FGGY: variants seen among roughly 807,000 people sequenced by gnomAD.
FGGY encodes FGGY carbohydrate kinase domain-containing protein.
A neutral mutation model predicts 71.3 loss-of-function variants in FGGY; 72 were observed. The ratio of observed to expected loss-of-function variants is 1.01; its 90% CI spans 0.84 to 1.23. The LOEUF (loss-of-function observed/expected upper bound fraction) is 1.23, where lower values mean the gene tolerates loss of function less well. Among genes scored for constraint, FGGY ranks in the 50% most tolerant of loss-of-function variants. The pLI is 0.00. For missense variants in FGGY, 668 were observed against 682.3 expected (o/e 0.98, Z 0.23); for synonymous variants, 251 against 250.3 (o/e 1.00, Z -0.02).
At chr1:59,538,429 A>G (rs1434548938) in intron 7 of FGGY, among the ~76,000 whole-genome samples, 3 of 152,052 alleles carry the variant, frequency 2.0e-5, no homozygotes, top group African/African-American at 7.3e-5. Context: ...TGTGGAAGTC[A>G]GCGTGGCGAT....
At chr1:59,475,330 C>CT (rs1019875413) in intron 6 of FGGY, among the ~76,000 whole-genome samples, 54 of 152,194 alleles carry the variant, frequency 3.5e-4, no homozygotes, top group African/African-American at 1.3e-3. Flanking sequence ...CAATCTTTAG[C>CT]TTTTTTTCCA....
chr1:59,689,574 T>TAA (rs2097573203), intron 14 of FGGY, among the ~76,000 whole-genome samples: 1 of 151,998 alleles, frequency 6.6e-6, no homozygotes, highest in Admixed American at 6.6e-5. Flanking sequence ...AAAAAAACGT[T>TAA]AAGTCCTTCT....
intron 14 of FGGY, among the ~76,000 whole-genome samples, chr1:59,684,019 G>T (rs1235555282): frequency 6.6e-6 from 1 of 152,114 alleles, no homozygotes; most frequent in Non-Finnish European, 1.5e-5. Context: ...GACTAGATCT[G>T]GAAAAGTCAT....
At chr1:59,728,444 A>T (rs1340464791) in intron 14 of FGGY, among the ~76,000 whole-genome samples, 4 of 152,084 alleles carry the variant, frequency 2.6e-5, no homozygotes, top group African/African-American at 9.7e-5. Context: ...AATTAAGAGT[A>T]AAAAGATGAA....
chr1:59,534,377 G>A (rs1198772687), intron 7 of FGGY, among the ~76,000 whole-genome samples: 2 of 152,118 alleles, frequency 1.3e-5, no homozygotes, highest in African/African-American at 2.4e-5. Flanking sequence ...AAAGTGACGG[G>A]GAGAATGGAA....
At chr1:59,466,420 A>G (rs528550215) in intron 6 of FGGY, among the ~76,000 whole-genome samples, 1 of 152,350 alleles carries the variant, frequency 6.6e-6, no homozygotes, top group East Asian at 1.9e-4. Context: ...AAACCTAGGC[A>G]ATACCATTCA....
chr1:59,615,924 AT>A (rs1447091357), intron 9 of FGGY, among the ~76,000 whole-genome samples: 1 of 152,196 alleles, frequency 6.6e-6, no homozygotes, highest in Non-Finnish European at 1.5e-5. Flanking sequence ...CATCAGAGAA[AT>A]GCAAATCAAA....
intron 14 of FGGY, among the ~76,000 whole-genome samples, chr1:59,682,255 G>T (rs1225967734): frequency 6.6e-6 from 1 of 152,172 alleles, no homozygotes; most frequent in Non-Finnish European, 1.5e-5. Context: ...GTTCAGCTCA[G>T]CCACAAGTGG....
intron 6 of FGGY, among the ~76,000 whole-genome samples, chr1:59,490,634 A>G (rs534336201): frequency 3.9e-5 from 6 of 152,040 alleles, no homozygotes; most frequent in Non-Finnish European, 7.3e-5. Context: ...GTTTTCTTCT[A>G]GTAGTTTTAT....
At chr1:59,450,968 A>G (rs1317457826) in intron 5 of FGGY, among the ~76,000 whole-genome samples, 1 of 152,116 alleles carries the variant, frequency 6.6e-6, no homozygotes, top group Non-Finnish European at 1.5e-5. Context: ...CAGTATGATT[A>G]ATCTTATCTT....
intron 6 of FGGY, among the ~76,000 whole-genome samples, chr1:59,468,860 A>C (rs922574963): frequency 1.3e-5 from 2 of 150,360 alleles, no homozygotes; most frequent in Non-Finnish European, 3.0e-5. Context: ...CCACTGAGCA[A>C]GACTCTGTCT....
intron 6 of FGGY, among the ~76,000 whole-genome samples, chr1:59,461,103 C>T (rs546779836): frequency 3.7e-4 from 56 of 152,218 alleles, no homozygotes; most frequent in African/African-American, 1.2e-3. Context: ...TTCAGAAGGT[C>T]GGTAATAACA....
At chr1:59,313,728 T>C (rs1043698797) in intron 1 of FGGY, among the ~76,000 whole-genome samples, 5 of 152,160 alleles carry the variant, frequency 3.3e-5, no homozygotes, top group African/African-American at 9.7e-5. Flanking sequence ...CATTGTATGT[T>C]CTCACTCATA....
In FGGY at chr1:59,492,884, G is replaced by C. The variant is rs953262521; in HGVS notation, c.671-19427G>C. ...ACTTTGGGGTTCTATAAGGCAAATT[G>C]AGTTACTTTTTAGCTTTTGTCACAA... On this transcript the variant is annotated intron_variant, in intron 6 of 15. Transcript: ENST00000303721. 2.0e-5 allele frequency among the ~76,000 whole-genome samples: 3 copies of C among 152,096 alleles called. No homozygotes were observed. In the South Asian group the frequency reaches 6.2e-4, roughly 32 times the overall value.
At chr1:59,450,106 G>C (rs955994188) in intron 5 of FGGY, among the ~76,000 whole-genome samples, 2 of 152,018 alleles carry the variant, frequency 1.3e-5, no homozygotes, top group Admixed American at 1.3e-4. Flanking sequence ...TTCTTTTTCT[G>C]TCTTCCATAT....
chr1:59,657,185 A>AAT (rs1317996506), intron 11 of FGGY, among the ~76,000 whole-genome samples: 11 of 152,316 alleles, frequency 7.2e-5, no homozygotes, highest in African/African-American at 2.6e-4. Flanking sequence ...TGGGGTTCCT[A>AAT]ATAAATATTG....
intron 6 of FGGY, among the ~76,000 whole-genome samples, chr1:59,507,663 A>G (rs1208570432): frequency 2.0e-5 from 3 of 147,842 alleles, no homozygotes; most frequent in Non-Finnish European, 3.0e-5. Flanking sequence ...GATTACAGGC[A>G]ACTGCAACCA....
intron 1 of FGGY, among the ~76,000 whole-genome samples, chr1:59,307,313 C>CAAAA (rs398049311): frequency 1.3e-4 from 9 of 67,362 alleles, no homozygotes; most frequent in Admixed American, 5.2e-4. Flanking sequence ...GACCCTGTCT[C>CAAAA]AAAAAAAAAA....
At chr1:59,440,489 G>C (rs1168602495) in intron 5 of FGGY, among the ~76,000 whole-genome samples, 2 of 151,880 alleles carry the variant, frequency 1.3e-5, no homozygotes, top group Non-Finnish European at 1.5e-5. Context: ...TAGAGCTTCA[G>C]TCCAACACTC....
Sources: gnomAD v4.1 joint callset for allele counts (sites outside exome capture counted in the v4.1 genomes callset) on GRCh38, gnomAD v4.1.1 for gene constraint, MANE v1.5 for transcripts, NCBI Gene and HGNC (gene_info 2026-07-23, HGNC 2026-07-21) for gene names.